The following SLAMF9 variants were observed in gnomAD, a reference collection of about 807,000 sequenced individuals.
The protein encoded by SLAMF9 is CD2 family member 10.
Under a neutral mutation model 30.4 loss-of-function variants are expected in SLAMF9, and 25 were observed. The ratio of observed to expected loss-of-function variants is 0.82; its 90% confidence interval spans 0.60 to 1.15. The LOEUF (loss-of-function observed/expected upper bound fraction) is 1.15. Among genes scored for constraint, SLAMF9 ranks in the 50% most tolerant of loss-of-function variants. SLAMF9 has a pLI of 0.00. For missense variants in SLAMF9, 344 were observed against 346.1 expected (o/e 0.99, Z 0.05); for synonymous variants, 129 against 127.2 (o/e 1.01, Z -0.09).
chr1:159,962,224 G>A, the SLAMF9 span, among the ~76,000 whole-genome samples: 1 of 151,832 alleles, frequency 6.6e-6, no homozygotes, highest in Non-Finnish European at 1.5e-5. Context: ...GAAAACATGG[G>A]GTAGAGGGAT....
chr1:159,972,937 G>A, the SLAMF9 span: 4 of 1,034,524 alleles, frequency 3.9e-6, no homozygotes, highest in Non-Finnish European at 5.3e-6. Context: ...CTCCTCCCAG[G>A]GGGTCCCACT....
rs965196505 is a variant in SLAMF9 at position 159,953,567 on chromosome 1, G to T, written c.133C>A (p.Pro45Thr). Residue 45 changes from proline (P) to threonine (T), a missense_variant, in exon 2 of 4, where the codon CCA (proline) becomes ACA (threonine). By Grantham distance (38) the Pro-to-Thr change is conservative. Coordinates refer to ENST00000368093, the MANE Select transcript of SLAMF9 (RefSeq NM_033438.4). Reference sequence around the variant, plus strand: ...ATGTTCTCAACCTCTTCATCTGGTGGTATTTCCAGGGGGAGGCTGATGGAC... The same window carrying T: ...ATGTTCTCAACCTCTTCATCTGGTGTTATTTCCAGGGGGAGGCTGATGGAC... ...QESISLPLEI[P>T]PDEEVENIIW... 1 of 1,614,040 alleles carries T rather than the reference G, an allele frequency of 6.2e-7. No individual in the cohort carries two copies. Among genetic ancestry groups the T allele is most frequent in the East Asian group, 2.2e-5 (1 of 44,882 alleles).
upstream of SLAMF9, among the ~76,000 whole-genome samples, chr1:159,959,191 G>A (rs903304836): frequency 6.6e-6 from 1 of 152,188 alleles, no homozygotes; most frequent in African/African-American, 2.4e-5. Flanking sequence ...ACCTAGCTGA[G>A]TGGCTTTGCA....
At chr1:159,972,807 T>A in the SLAMF9 span, 1 of 823,990 alleles carries the variant, frequency 1.2e-6, no homozygotes. Flanking sequence ...AGCGGGACCG[T>A]GGTGCAGAGT....
the SLAMF9 span, among the ~76,000 whole-genome samples, chr1:159,966,613 TTCA>T: frequency 1.3e-5 from 2 of 152,172 alleles, no homozygotes; most frequent in Non-Finnish European, 2.9e-5. Flanking sequence ...TTTCTGTGTC[TTCA>T]TCAACACATG....
the SLAMF9 span, chr1:159,978,702 G>C: frequency 1.3e-5 from 2 of 152,376 alleles, no homozygotes; most frequent in South Asian, 4.1e-4. Flanking sequence ...ACCAAGGACA[G>C]ACCCCAAGGC....
chr1:159,978,061 C>A, the SLAMF9 span, among the ~76,000 whole-genome samples: 1 of 152,252 alleles, frequency 6.6e-6, no homozygotes, highest in African/African-American at 2.4e-5. Flanking sequence ...CAGCCCCCAC[C>A]ACTGCCCCAC....
chr1:159,979,584 A>C, the SLAMF9 span, among the ~76,000 whole-genome samples: 1 of 152,182 alleles, frequency 6.6e-6, no homozygotes, highest in Non-Finnish European at 1.5e-5. Flanking sequence ...GACAAAAAAA[A>C]TATTTTCTTG....
chr1:159,963,443 G>A, the SLAMF9 span, among the ~76,000 whole-genome samples: 31 of 152,102 alleles, frequency 2.0e-4, no homozygotes, highest in Non-Finnish European at 5.9e-5. Context: ...AACCCAGCTC[G>A]GTGTTTTCCA....
the SLAMF9 span, among the ~76,000 whole-genome samples, chr1:159,968,590 T>A: frequency 6.6e-6 from 1 of 152,342 alleles, no homozygotes; most frequent in South Asian, 2.1e-4. Context: ...AGAGAGGGAC[T>A]GTCTGGGATT....
At chr1:159,975,471 G>C in the SLAMF9 span, among the ~76,000 whole-genome samples, 79 of 152,262 alleles carry the variant, frequency 5.2e-4, no homozygotes, top group Admixed American at 5.2e-4. Flanking sequence ...GTGTGGCATG[G>C]CTGGAGAGGC....
At chr1:159,969,158 C>T in the SLAMF9 span, among the ~76,000 whole-genome samples, 1 of 152,022 alleles carries the variant, frequency 6.6e-6, no homozygotes, top group Non-Finnish European at 1.5e-5. Context: ...ACCACTCCAA[C>T]AACTCTCTGG....
chr1:159,964,702 C>T, the SLAMF9 span, among the ~76,000 whole-genome samples: 1 of 152,224 alleles, frequency 6.6e-6, no homozygotes, highest in Non-Finnish European at 1.5e-5. Flanking sequence ...AAACTCGGGT[C>T]TCCCGGTGTC....
At chr1:159,963,979 G>A in the SLAMF9 span, among the ~76,000 whole-genome samples, 1 of 152,194 alleles carries the variant, frequency 6.6e-6, no homozygotes, top group African/African-American at 2.4e-5. Context: ...AGAATCGCTT[G>A]AACCTGGGAG....
At chr1:159,953,906 C>T (rs1417437438) in intron 1 of SLAMF9, among the ~76,000 whole-genome samples, 186 bp downstream of exon 1, 1 of 152,206 alleles carries the variant, frequency 6.6e-6, no homozygotes, top group Non-Finnish European at 1.5e-5. Flanking sequence ...CTTGGGATTG[C>T]TCTTTCTTCC....
Position 159,954,222 on chromosome 1 carries a change from C to T in SLAMF9, c.-85G>A. The T allele has an allele frequency of 1.4e-6, 2 of 1,477,420 alleles. No homozygotes were observed. Among genetic ancestry groups the T allele is most frequent in the South Asian group, 1.2e-5 (1 of 85,616 alleles). 91.5% of individuals were successfully genotyped at this position (1,477,420 alleles called of 1,614,324 possible). A position where few individuals can be genotyped will look rare whatever the true frequency, so the allele number is the denominator to read the frequency against. ...AAGACTGCATTAGGAGGCTCCTAGACACAAAGAGCCTGACTGATGGTCCTG... is the reference window on the plus strand; with the variant it reads ...AAGACTGCATTAGGAGGCTCCTAGATACAAAGAGCCTGACTGATGGTCCTG... On this transcript the variant is annotated 5_prime_UTR_variant, in exon 1 of 4. Transcript: ENST00000368093.
upstream of SLAMF9, among the ~76,000 whole-genome samples, chr1:159,956,360 T>C (rs1160021249): frequency 6.6e-6 from 1 of 151,960 alleles, no homozygotes; most frequent in Non-Finnish European, 1.5e-5. Context: ...ATCCTTGCTA[T>C]ATGTGAGGCT....
chr1:159,962,191 G>A, the SLAMF9 span, among the ~76,000 whole-genome samples: 18 of 152,004 alleles, frequency 1.2e-4, no homozygotes, highest in African/African-American at 4.4e-4. Flanking sequence ...ACGGCAAGGG[G>A]AACAGAGGAT....
the SLAMF9 span, among the ~76,000 whole-genome samples, chr1:159,979,280 C>T: frequency 6.6e-6 from 1 of 152,190 alleles, no homozygotes; most frequent in Non-Finnish European, 1.5e-5. Flanking sequence ...TAGGACACCA[C>T]CCCAACACAC....
Sources: gnomAD v4.1 joint callset for allele counts (sites outside exome capture counted in the v4.1 genomes callset) on GRCh38, gnomAD v4.1.1 for gene constraint, MANE v1.5 for transcripts, NCBI Gene and HGNC (gene_info 2026-07-23, HGNC 2026-07-21) for gene names.